Variants in DDX10 observed in about 807,000 individuals in gnomAD.
DDX10 encodes the protein DEAD-box helicase 10.
A neutral mutation model predicts 104.3 loss-of-function variants in DDX10; 74 were observed. The observed-to-expected ratio is 0.71, with a 90% CI of 0.59 to 0.86. The LOEUF (loss-of-function observed/expected upper bound fraction) is 0.86, where lower values mean the gene tolerates loss of function less well. DDX10 is among the 40% of genes least tolerant of loss of function. DDX10 has a pLI of 0.00. For missense variants in DDX10, 952 were observed against 1,040.0 expected, an observed-to-expected ratio of 0.92 and a Z score of 1.16; for synonymous variants, 351 against 353.4, an observed-to-expected ratio of 0.99 and a Z score of 0.08.
chr11:108,748,085 A>T (rs61914038), intron 13 of DDX10, among the ~76,000 whole-genome samples: 1 of 152,184 alleles, frequency 6.6e-6, no homozygotes, highest in African/African-American at 2.4e-5. Context: ...AAAACTAAGC[A>T]GATTTTAGAA....
At chr11:108,759,680 G>A (rs540451782) in intron 13 of DDX10, among the ~76,000 whole-genome samples, 29 of 151,916 alleles carry the variant, frequency 1.9e-4, no homozygotes, top group Non-Finnish European at 3.8e-4. Context: ...ATGCTAAAAT[G>A]GCAGAATTTG....
chr11:108,831,279 C>T (rs1266962423), intron 13 of DDX10, among the ~76,000 whole-genome samples: 1 of 151,992 alleles, frequency 6.6e-6, no homozygotes, highest in Non-Finnish European at 1.5e-5. Context: ...TGGCAGGCAC[C>T]TGTAGTCCCA....
chr11:108,916,697 A>G (rs960589909), intron 16 of DDX10, among the ~76,000 whole-genome samples: 1 of 152,234 alleles, frequency 6.6e-6, no homozygotes, highest in African/African-American at 2.4e-5. Flanking sequence ...AGTCCCACTT[A>G]TAATTTTCTG....
At chr11:108,829,140 A>G (rs1431917487) in intron 13 of DDX10, among the ~76,000 whole-genome samples, 3 of 152,174 alleles carry the variant, frequency 2.0e-5, no homozygotes, top group South Asian at 2.1e-4. Context: ...AAGTACATCA[A>G]ATGGATCTAC....
Position 108,838,529 on chromosome 11 carries a change from A to G in DDX10, c.2049A>G (p.Lys683=), listed in dbSNP as rs1862592337. Residue 683 remains lysine, a synonymous_variant, in exon 14 of 18, where the codon AAA becomes AAG. Transcript: ENST00000322536. ...AAAAAGTAATGAAGAGAAATTTTAAAGTGAATAAGAAGATAACATTTACTG... is the reference window on the plus strand; with the variant it reads ...AAAAAGTAATGAAGAGAAATTTTAAGGTGAATAAGAAGATAACATTTACTG... ...EAKKVMKRNF[K]VNKKITFTDE... is the part of the protein sequence containing the mutation. 6.2e-7 allele frequency: 1 copy of G among 1,612,096 alleles called. No homozygotes were observed. The highest frequency in any genetic ancestry group is 1.3e-5 in the African/African-American group (1 of 74,860).
intron 15 of DDX10, among the ~76,000 whole-genome samples, chr11:108,843,804 G>A (rs1288604738): frequency 6.6e-6 from 1 of 151,160 alleles, no homozygotes; most frequent in Non-Finnish European, 1.5e-5. Context: ...GCCTATATCT[G>A]TCTGTCTTAT....
intron 13 of DDX10, among the ~76,000 whole-genome samples, chr11:108,803,598 A>AAAAAAAAAAAG (rs1555027136): frequency 7.2e-6 from 1 of 138,650 alleles, no homozygotes. Context: ...AAAAAAAAAA[A>AAAAAAAAAAAG]AAAAGAAAAA....
At chr11:108,923,432 GT>G (rs1269406632) in intron 17 of DDX10, among the ~76,000 whole-genome samples, 1 of 152,186 alleles carries the variant, frequency 6.6e-6, no homozygotes, top group South Asian at 2.1e-4. Flanking sequence ...AAGGAATAGA[GT>G]AAGAATCTTC....
intron 16 of DDX10, among the ~76,000 whole-genome samples, chr11:108,888,644 C>G (rs1863333546): frequency 6.6e-6 from 1 of 152,166 alleles, no homozygotes; most frequent in African/African-American, 2.4e-5. Context: ...TACCTATGTC[C>G]TTTCCTAATT....
Position 108,873,486 on chromosome 11 carries a change from G to A in DDX10, c.2304+21277G>A, listed in dbSNP as rs115982996. The stretch of plus-strand genomic sequence containing the variant: ...TTTATTATATGAGTAAGCCATTATA[G>A]GATTGTTTTCCCCTCCTAATCTGTG... On this transcript the variant is annotated intron_variant, in intron 16 of 17. Transcript: ENST00000322536. Among the ~76,000 whole-genome samples, 886 of 152,188 alleles carry A rather than the reference G, an allele frequency of 5.8e-3. 11 individuals carry two copies. The highest frequency in any genetic ancestry group is 0.019 in the African/African-American group (789 of 41,544).
At chr11:108,745,224 T>C (rs1463870302) in intron 13 of DDX10, among the ~76,000 whole-genome samples, 1 of 142,016 alleles carries the variant, frequency 7.0e-6, no homozygotes, top group African/African-American at 2.6e-5. Context: ...TCCTTTCCTT[T>C]CCTTCCCTTT....
intron 13 of DDX10, among the ~76,000 whole-genome samples, chr11:108,814,202 A>C (rs760180027): frequency 6.6e-6 from 1 of 152,206 alleles, no homozygotes; most frequent in Non-Finnish European, 1.5e-5. Context: ...GACATAGGCT[A>C]AGAGATGGTA....
In DDX10 at chr11:108,751,153, G is replaced by T. The variant is rs772149367; in HGVS notation, c.1965+27691G>T. ...TTGCTTTTTATTCCTAGTATCTCTA[G>T]CATTGTATTTTGATCAGATAGATGC... is the stretch of plus-strand genomic sequence containing the variant. On this transcript the variant is annotated intron_variant, in intron 13 of 17. Transcript: ENST00000322536. Among the ~76,000 whole-genome samples the T allele has an allele frequency of 6.8e-4, 103 of 151,432 alleles. 3 individuals are homozygous for T. Among genetic ancestry groups the T allele is most frequent in the Non-Finnish European group, 1.3e-4 (9 of 67,842 alleles).
At chr11:108,884,590 A>G (rs1205964880) in intron 16 of DDX10, among the ~76,000 whole-genome samples, 1 of 152,160 alleles carries the variant, frequency 6.6e-6, no homozygotes, top group African/African-American at 2.4e-5. Context: ...ACTGGATCGT[A>G]TCTCAGCTTT....
chr11:108,894,126 A>G (rs969590167), intron 16 of DDX10, among the ~76,000 whole-genome samples: 7 of 152,158 alleles, frequency 4.6e-5, no homozygotes, highest in African/African-American at 1.7e-4. Flanking sequence ...TTAATTATGA[A>G]CTAGTTAATT....
At chr11:108,770,091 C>T (rs931147687) in intron 13 of DDX10, among the ~76,000 whole-genome samples, 2 of 152,146 alleles carry the variant, frequency 1.3e-5, no homozygotes, top group Non-Finnish European at 2.9e-5. Context: ...AAAATCTGGC[C>T]TCACACAGAT....
intron 13 of DDX10, among the ~76,000 whole-genome samples, chr11:108,771,376 T>G (rs995001414): frequency 1.3e-5 from 2 of 152,114 alleles, no homozygotes; most frequent in African/African-American, 4.8e-5. Context: ...TTTCTTTTTT[T>G]TGAGATGGAG....
At chr11:108,809,156 G>A (rs369971391) in intron 13 of DDX10, among the ~76,000 whole-genome samples, 4 of 152,100 alleles carry the variant, frequency 2.6e-5, no homozygotes, top group African/African-American at 7.2e-5. Flanking sequence ...ATTAACACCC[G>A]CTTCAATTGT....
intron 13 of DDX10, among the ~76,000 whole-genome samples, chr11:108,798,447 C>G (rs1861975912): frequency 6.6e-6 from 1 of 152,108 alleles, no homozygotes; most frequent in Admixed American, 6.5e-5. Context: ...CTCTGTAATT[C>G]CTGGTTTTCT....
Sources: allele counts gnomAD v4.1 joint callset (sites outside exome capture counted in the v4.1 genomes callset), GRCh38; gene constraint gnomAD v4.1.1; transcripts MANE v1.5; gene names NCBI Gene and HGNC (gene_info 2026-07-23, HGNC 2026-07-21).